The following TNFSF4 variants were observed in gnomAD, a reference collection of about 807,000 sequenced individuals.
TNFSF4 encodes TNF superfamily member 4.
In TNFSF4, 4 loss-of-function variants were observed where a neutral mutation model predicts 7.3. That is an observed-to-expected ratio of 0.55 (90% CI 0.27 to 1.25). The LOEUF (loss-of-function observed/expected upper bound fraction) is 1.25. TNFSF4 is among the 50% of genes most tolerant of loss of function. The probability of loss-of-function intolerance (pLI) is 0.12; values close to 1 mark genes in which losing one functional copy is unlikely to be tolerated. For missense variants in TNFSF4, 181 were observed against 208.8 expected, an observed-to-expected ratio of 0.87 and a Z score of 0.82; for synonymous variants, 76 against 83.7, an observed-to-expected ratio of 0.91 and a Z score of 0.50.
chr1:173,325,560 A>C, the TNFSF4 span, among the ~76,000 whole-genome samples: 1 of 152,100 alleles, frequency 6.6e-6, no homozygotes, highest in Non-Finnish European at 1.5e-5. Flanking sequence ...CCCTTCAAAA[A>C]ATCAATGAAT....
chr1:173,355,601 T>G, the TNFSF4 span, among the ~76,000 whole-genome samples: 1 of 152,210 alleles, frequency 6.6e-6, no homozygotes, highest in Non-Finnish European at 1.5e-5. Context: ...CTCAGCTCCA[T>G]GTACATTGTA....
the TNFSF4 span, among the ~76,000 whole-genome samples, chr1:173,372,113 C>G: frequency 3.3e-5 from 5 of 152,194 alleles, no homozygotes; most frequent in African/African-American, 1.2e-4. Flanking sequence ...AGGCCCAGCT[C>G]TGCCTACAAC....
the TNFSF4 span, among the ~76,000 whole-genome samples, chr1:173,413,120 G>A: frequency 1.3e-5 from 2 of 152,270 alleles, no homozygotes; most frequent in African/African-American, 4.8e-5. Flanking sequence ...GGAAAAAGAT[G>A]TTCTAAGGGA....
chr1:173,231,967 A>T, the TNFSF4 span, among the ~76,000 whole-genome samples: 1 of 152,100 alleles, frequency 6.6e-6, no homozygotes, highest in African/African-American at 2.4e-5. Context: ...TTTTGGTTCC[A>T]TATGAACTTT....
the TNFSF4 span, among the ~76,000 whole-genome samples, chr1:173,349,730 G>A: frequency 5.9e-5 from 9 of 152,238 alleles, no homozygotes; most frequent in Admixed American, 2.6e-4. Flanking sequence ...TTTATATTCC[G>A]GGATCCTCAG....
At chr1:173,252,569 C>T in the TNFSF4 span, among the ~76,000 whole-genome samples, 240 of 151,970 alleles carry the variant, frequency 1.6e-3, 2 homozygotes, top group East Asian at 0.013. Flanking sequence ...GTTGGAAGAA[C>T]GTTTACTTGC....
chr1:173,342,631 G>T, the TNFSF4 span, among the ~76,000 whole-genome samples: 1 of 152,096 alleles, frequency 6.6e-6, no homozygotes, highest in Admixed American at 6.6e-5. Flanking sequence ...GTCAGTAAAG[G>T]TTCCAAATTT....
At chr1:173,415,558 G>T in the TNFSF4 span, among the ~76,000 whole-genome samples, 16 of 152,178 alleles carry the variant, frequency 1.1e-4, no homozygotes, top group African/African-American at 3.1e-4. Context: ...TGGCCTGAGG[G>T]CCCCAAGTCC....
the TNFSF4 span, among the ~76,000 whole-genome samples, chr1:173,278,705 G>C: frequency 1.5e-4 from 23 of 152,070 alleles, no homozygotes; most frequent in African/African-American, 5.3e-4. Context: ...ATTAATTAGA[G>C]GAATGGGAGG....
the TNFSF4 span, among the ~76,000 whole-genome samples, chr1:173,371,762 A>G: frequency 2.0e-5 from 3 of 152,138 alleles, no homozygotes; most frequent in East Asian, 5.8e-4. Context: ...TTTCTCAAAT[A>G]CCAGAGGAAG....
At chr1:173,323,533 G>C in the TNFSF4 span, among the ~76,000 whole-genome samples, 3 of 152,216 alleles carry the variant, frequency 2.0e-5, no homozygotes, top group South Asian at 6.2e-4. Context: ...GACGAGTTGA[G>C]AGGGGAAGGC....
chr1:173,428,051 G>A, the TNFSF4 span, among the ~76,000 whole-genome samples: 4 of 151,172 alleles, frequency 2.6e-5, no homozygotes, highest in South Asian at 2.1e-4. Flanking sequence ...AGGTTCAAGC[G>A]ATTCCTGCCT....
At chr1:173,328,983 T>C in the TNFSF4 span, among the ~76,000 whole-genome samples, 4 of 152,204 alleles carry the variant, frequency 2.6e-5, no homozygotes, top group African/African-American at 9.6e-5. Context: ...TCTATGTAAA[T>C]ATGTTCACTG....
the TNFSF4 span, among the ~76,000 whole-genome samples, chr1:173,251,967 T>C: frequency 6.6e-6 from 1 of 152,188 alleles, no homozygotes; most frequent in African/African-American, 2.4e-5. Context: ...CAGAGAATTA[T>C]GATTGGAAAA....
the TNFSF4 span, among the ~76,000 whole-genome samples, chr1:173,178,658 T>C: frequency 2.0e-5 from 3 of 152,236 alleles, no homozygotes; most frequent in Non-Finnish European, 4.4e-5. Flanking sequence ...TTTTCTTTTC[T>C]CATGTATTTA....
chr1:173,242,748 G>A, the TNFSF4 span, among the ~76,000 whole-genome samples: 2 of 152,086 alleles, frequency 1.3e-5, no homozygotes, highest in East Asian at 3.9e-4. Flanking sequence ...GGAACCATGA[G>A]CCACTGAACA....
At chr1:173,384,956 A>G in the TNFSF4 span, among the ~76,000 whole-genome samples, 6 of 152,388 alleles carry the variant, frequency 3.9e-5, no homozygotes, top group Admixed American at 6.5e-5. Context: ...TAGTGTAGTC[A>G]TAGTGCTGAA....
the TNFSF4 span, among the ~76,000 whole-genome samples, chr1:173,349,373 A>G: frequency 6.6e-6 from 1 of 152,172 alleles, no homozygotes; most frequent in Non-Finnish European, 1.5e-5. Context: ...ACTCTGCCCC[A>G]TATTGCATCA....
the TNFSF4 span, among the ~76,000 whole-genome samples, chr1:173,217,523 G>GCATTC: frequency 2.0e-5 from 3 of 152,142 alleles, no homozygotes; most frequent in Non-Finnish European, 4.4e-5. Context: ...ATACATATTA[G>GCATTC]CATTCAATAA....
Sources: allele counts gnomAD v4.1 joint callset (sites outside exome capture counted in the v4.1 genomes callset), GRCh38; gene constraint gnomAD v4.1.1; transcripts MANE v1.5; gene names NCBI Gene and HGNC (gene_info 2026-07-23, HGNC 2026-07-21).